Variants in MADD observed in about 807,000 individuals in gnomAD.
MADD encodes MAP kinase-activating death domain protein.
MADD carries 109 observed loss-of-function variants against 176.7 expected under a neutral mutation model. The ratio of observed to expected loss-of-function variants is 0.62; its 90% CI spans 0.53 to 0.72. The LOEUF is 0.72. MADD is among the 30% of genes least tolerant of loss of function. The pLI, the probability that MADD is intolerant of heterozygous loss-of-function variation, is 0.00. For synonymous variants in MADD, 771 were observed against 771.3 expected, an observed-to-expected ratio of 1.00 and a Z score of 0.01; for missense variants, 1,914 against 2,045.5, an observed-to-expected ratio of 0.94 and a Z score of 1.24.
chr11:47,287,782 A>ATT (rs57417064), intron 15 of MADD, among the ~76,000 whole-genome samples: 2,400 of 55,048 alleles, frequency 0.044, 93 homozygotes, highest in South Asian at 0.14. Context: ...AGAAACATGT[A>ATT]TTTTTTTTTT....
At chr11:47,269,857 G>A (rs1352996890), upstream of MADD, 1 of 152,140 alleles carries the variant, frequency 6.6e-6, no homozygotes, top group Non-Finnish European at 1.5e-5. Context: ...GTCGAAACGG[G>A]CGCTATGACC....
At chr11:47,311,864 T>A in intron 26 of MADD, 22 bp downstream of exon 29, 1 of 1,498,994 alleles carries the variant, frequency 6.7e-7, no homozygotes, top group Non-Finnish European at 9.3e-7. Context: ...TGGCCACCCC[T>A]TAGGCTTCCC....
intron 14 of MADD, 62 bp downstream of exon 14, chr11:47,285,652 C>T (rs1460433087): frequency 6.2e-7 from 1 of 1,603,534 alleles, no homozygotes; most frequent in South Asian, 1.1e-5. Context: ...CAGAGCCTGA[C>T]TATGGCAAAT....
chr11:47,320,079 TTTTC>T (rs1188711982), intron 27 of MADD, among the ~76,000 whole-genome samples: 1 of 151,912 alleles, frequency 6.6e-6, no homozygotes, highest in Non-Finnish European at 1.5e-5. Context: ...CTTTTTTTTT[TTTTC>T]TTTAATGGAT....
intron 15 of MADD, among the ~76,000 whole-genome samples, chr11:47,288,345 G>A (rs1343544779): frequency 1.3e-5 from 2 of 152,172 alleles, no homozygotes; most frequent in East Asian, 1.9e-4. Flanking sequence ...ATGTTCTTAG[G>A]TGAGGATGGG....
chr11:47,284,679 T>A, intron 12 of MADD, 114 bp downstream of exon 12: 2 of 1,376,202 alleles, frequency 1.5e-6, no homozygotes, highest in Non-Finnish European at 2.0e-6. Context: ...TTTTCTCATC[T>A]TCCTCTTCAT....
At chr11:47,283,763 A>G (rs1361756935) in intron 10 of MADD, among the ~76,000 whole-genome samples, 1 of 151,972 alleles carries the variant, frequency 6.6e-6, no homozygotes, top group Non-Finnish European at 1.5e-5. Flanking sequence ...AGTAGAGACA[A>G]GGTTTCACCA....
intron 29 of MADD, 51 bp downstream of exon 32, chr11:47,324,388 T>C: frequency 3.7e-6 from 6 of 1,607,122 alleles, no homozygotes; most frequent in Non-Finnish European, 5.1e-6. Flanking sequence ...CCAGTCCTTC[T>C]GAGTGTCAGG....
At chr11:47,317,533 A>G (rs1181913764) in intron 27 of MADD, among the ~76,000 whole-genome samples, 2 of 152,034 alleles carry the variant, frequency 1.3e-5, no homozygotes, top group African/African-American at 2.4e-5. Context: ...CCTGTCACAT[A>G]TTTCTCATAG....
chr11:47,292,664 G>A, intron 19 of MADD, 68 bp downstream of exon 21: 1 of 1,523,650 alleles, frequency 6.6e-7, no homozygotes, highest in Non-Finnish European at 9.1e-7. Context: ...GCCCAGTTGG[G>A]GCAGGCTCCC....
chr11:47,288,772 A>G (rs2062800485), intron 15 of MADD, among the ~76,000 whole-genome samples, 196 bp from the exon 16 acceptor site: 1 of 152,070 alleles, frequency 6.6e-6, no homozygotes, highest in South Asian at 2.1e-4. Flanking sequence ...GGCCAGTTTT[A>G]AGGGTGGTCT....
exon 20 of MADD, chr11:47,293,913 T>C (rs887637255): frequency 1.9e-6 from 3 of 1,613,960 alleles, no homozygotes; most frequent in Non-Finnish European, 1.7e-6. Flanking sequence ...GTCTTTGACC[T>C]TGGTGAGACA....
intron 20 of MADD, among the ~76,000 whole-genome samples, chr11:47,295,255 T>TC (rs2070192449): frequency 6.6e-6 from 1 of 152,062 alleles, no homozygotes. Context: ...GAAATGATCC[T>TC]CCCACCTCAG....
At chr11:47,309,312 G>T in exon 24 of MADD, 2 of 1,614,220 alleles carry the variant, frequency 1.2e-6, no homozygotes, top group Non-Finnish European at 1.7e-6. Flanking sequence ...GGGACCAAAT[G>T]CAATTCTGGG....
chr11:47,312,711 G>A (rs763124841), intron 26 of MADD, among the ~76,000 whole-genome samples: 4 of 152,118 alleles, frequency 2.6e-5, no homozygotes, highest in Non-Finnish European at 5.9e-5. Context: ...CTGGGATTAC[G>A]GGTGTGAACC....
intron 27 of MADD, among the ~76,000 whole-genome samples, chr11:47,322,334 A>G (rs1015548020): frequency 6.6e-6 from 1 of 152,144 alleles, no homozygotes; most frequent in Non-Finnish European, 1.5e-5. Flanking sequence ...CTGGCTGCGC[A>G]TGGTGGCTCA....
chr11:47,285,239 C>T (rs760458764), intron 13 of MADD, 45 bp downstream of exon 13: 3 of 1,599,788 alleles, frequency 1.9e-6, no homozygotes, highest in East Asian at 4.5e-5. Context: ...TGAAGGACCT[C>T]ACCTCAGTGG....
intron 27 of MADD, among the ~76,000 whole-genome samples, chr11:47,319,434 A>G (rs1322618179): frequency 6.6e-6 from 1 of 152,104 alleles, no homozygotes; most frequent in Non-Finnish European, 1.5e-5. Flanking sequence ...TACCCAGCCA[A>G]AGATTTTTAA....
At position 47,311,786 on chromosome 11, in the gene MADD, A is replaced by G. The variant is rs760291647; in HGVS notation, c.4033A>G (p.Ile1345Val). 16 of 1,614,004 alleles carry G rather than the reference A, an allele frequency of 9.9e-6. No homozygotes were observed. In the Middle Eastern group the frequency reaches 1.5e-3, roughly 150 times the overall value. The change falls in exon 26 of 33, where the codon ATT (isoleucine) becomes GTT (valine). Residue 1345 changes from isoleucine to valine, a missense_variant. Physicochemically the swap from Ile to Val is conservative, Grantham distance 29. This residue lies in a region of MADD where 1,767 missense variants were observed against 1,836.0 expected (regional missense o/e 0.96). Transcript: ENST00000402192. ...GAGGCGCCTAATGGGAAAGTCGCAC[A>G]TTGGGCTTGTGTACAGCCAGCAAAT... is the stretch of plus-strand genomic sequence containing the variant.
Sources: allele counts gnomAD v4.1 joint callset (sites outside exome capture counted in the v4.1 genomes callset), GRCh38; gene constraint gnomAD v4.1.1; regional missense constraint gnomAD v4.1.1; transcripts MANE v1.5; gene names NCBI Gene and HGNC (gene_info 2026-07-23, HGNC 2026-07-21).